The following PARP12 variants were observed in gnomAD, a reference collection of about 807,000 sequenced individuals.
The protein encoded by PARP12 is protein mono-ADP-ribosyltransferase PARP12.
A neutral mutation model predicts 72.4 loss-of-function variants in PARP12; 59 were observed. The ratio of observed to expected loss-of-function variants is 0.81; its 90% CI spans 0.66 to 1.01. The LOEUF (loss-of-function observed/expected upper bound fraction) is 1.01, where lower values mean the gene tolerates loss of function less well. Ranked by LOEUF, PARP12 falls within the 50% of genes least tolerant of loss-of-function variation. The pLI, the probability that PARP12 is intolerant of heterozygous loss-of-function variation, is 0.00. For synonymous variants in PARP12, 403 were observed against 371.4 expected (o/e 1.09, Z -0.98); for missense variants, 851 against 914.0 (o/e 0.93, Z 0.89).
At position 140,062,843 on chromosome 7, in the gene PARP12, G is replaced by T; in HGVS notation, c.5C>A (p.Ala2Asp). The change falls in exon 1 of 12, where the codon GCC becomes GAC. Residue 2 changes from alanine to aspartate, a missense_variant. This residue lies in a region of PARP12 where 492 missense variants were observed against 489.3 expected (regional missense o/e 1.01). Transcript: ENST00000263549. MAQAGVVGEVTQ... is the reference protein window; with the variant it reads MDQAGVVGEVTQ... The stretch of plus-strand genomic sequence containing the variant: ...GACCTCACCGACGACGCCGGCCTGG[G>T]CCATGGCCGCTGGGCCTGCTCCCGT... 2.2e-6 allele frequency: 3 copies of T among 1,366,816 alleles called. No homozygotes were observed. Among genetic ancestry groups the T allele is most frequent in the Non-Finnish European group, 2.8e-6 (3 of 1,058,492 alleles). 84.7% of individuals were successfully genotyped at this position (1,366,816 alleles called of 1,614,324 possible).
chr7:140,062,753 A>G lies in PARP12; in HGVS notation c.95T>C (p.Met32Thr). Residue 32 changes from methionine (M) to threonine (T), a missense_variant, in exon 1 of 12, where the codon ATG becomes ACG. Transcript: ENST00000263549. The stretch of plus-strand genomic sequence containing the variant: ...CTCCAGCGCGTCGGCGCTCAAGCCC[A>G]TCCGCAAGCGGCGCCGCAGCTCGGG... ...ELPELRRRLR[M>T]GLSADALERL... 7.2e-7 allele frequency: 1 copy of G among 1,385,950 alleles called. No individual in the cohort carries two copies. Among genetic ancestry groups the G allele is most frequent in the Admixed American group, 2.7e-5 (1 of 37,432 alleles). 85.9% of individuals were successfully genotyped at this position (1,385,950 alleles called of 1,614,324 possible). A position where few individuals can be genotyped will look rare whatever the true frequency, so the allele number is the denominator to read the frequency against.
At chr7:140,046,802 G>GTGTGTC (rs1816748354) in intron 5 of PARP12, 82 bp downstream of exon 5, 1 of 870,094 alleles carries the variant, frequency 1.1e-6, no homozygotes, top group South Asian at 2.2e-5. Context: ...TGCTCACAGT[G>GTGTGTC]TGTGTGTGTG....
At chr7:140,025,440 C>T (rs1467042252) in intron 11 of PARP12, 1 of 354,230 alleles carries the variant, frequency 2.8e-6, no homozygotes, top group Non-Finnish European at 5.7e-6. Flanking sequence ...CGGAAACTGA[C>T]TAACAAAGAA....
intron 6 of PARP12, among the ~76,000 whole-genome samples, chr7:140,040,819 A>G (rs193021339): frequency 1.8e-4 from 27 of 152,348 alleles, no homozygotes; most frequent in Admixed American, 6.5e-4. Flanking sequence ...GCTGGAGTAC[A>G]GTGGTGTGAT....
chr7:140,026,240 A>C lies in PARP12; in HGVS notation c.1737T>G (p.Phe579Leu), dbSNP rs759387800. The C allele has an allele frequency of 1.2e-5, 19 of 1,614,160 alleles. No homozygotes were observed. The South Asian group carries it at 1.3e-4, about 11-fold the overall frequency. Residue 579 changes from phenylalanine (F) to leucine (L), a missense_variant, in exon 11 of 12, where the codon TTT becomes TTG. Phe to Leu is a conservative substitution (Grantham distance 22). Around this residue, in one of 3 missense-constraint regions of PARP12, gnomAD observed 347 missense variants for 396.1 expected, o/e 0.88. Transcript: ENST00000263549. ...IFVDAICQQN[F>L]DWRVCGVHGT... ...CATGAACACCACAGACCCGCCAGTCAAAGTTCTGCTGGCAGATGGCGTCCA... is the reference window on the plus strand; with the variant it reads ...CATGAACACCACAGACCCGCCAGTCCAAGTTCTGCTGGCAGATGGCGTCCA...
At position 140,057,107 on chromosome 7, in the gene PARP12, G is replaced by C; in HGVS notation, c.509C>G (p.Ala170Gly). The change falls in exon 3 of 12, where the codon GCC becomes GGC. Residue 170 changes from alanine (A) to glycine (G), a missense_variant. Around this residue, in one of 3 missense-constraint regions of PARP12, gnomAD observed 492 missense variants for 489.3 expected, o/e 1.01. Transcript: ENST00000263549. ...GAGCTTGATGCACTGCTTTTGAAAG[G>C]CACAAGAGCCGTGGGGTCCATCTCC... ...NKGDGPHGSC[A>G]FQKQCIKLHI... 6.2e-7 allele frequency: 1 copy of C among 1,614,094 alleles called. No individual in the cohort carries two copies. The highest frequency in any genetic ancestry group is 2.2e-5 in the East Asian group (1 of 44,890).
chr7:140,045,561 T>C (rs957425083), intron 5 of PARP12, among the ~76,000 whole-genome samples: 1 of 152,304 alleles, frequency 6.6e-6, no homozygotes, highest in Admixed American at 6.5e-5. Flanking sequence ...TTTGACAGAA[T>C]GACAAAAGGC....
At position 140,024,870 on chromosome 7, in the gene PARP12, C is replaced by T. The variant is rs139584408; in HGVS notation, c.1796G>A (p.Arg599Gln). The T allele has an allele frequency of 7.4e-6, 12 of 1,612,912 alleles. No homozygotes were observed. Among genetic ancestry groups the T allele is most frequent in the South Asian group, 3.3e-5 (3 of 91,062 alleles). The change falls in exon 12 of 12, where the codon CGA becomes CAA. Residue 599 changes from arginine (R) to glutamine (Q), a missense_variant. By Grantham distance (43) the Arg-to-Gln change is conservative. Coordinates refer to ENST00000263549, the MANE Select transcript of PARP12 (RefSeq NM_022750.4). ...TSYGKGSYFA[R>Q]DAAYSHHYSK... is the part of the protein sequence containing the mutation. ...GTAGTGGTGGGAATATGCAGCATCT[C>T]GGGCAAAGTAGCTCCCTGAAATGAC...
At position 140,062,798 on chromosome 7, in the gene PARP12, G is replaced by C; in HGVS notation, c.50C>G (p.Ala17Gly). 1 of 1,414,320 alleles carries C rather than the reference G, an allele frequency of 7.1e-7. No individual in the cohort carries two copies. The highest frequency in any genetic ancestry group is 9.2e-7 in the Non-Finnish European group (1 of 1,081,764). 87.6% of individuals were successfully genotyped at this position (1,414,320 alleles called of 1,614,324 possible). The part of the protein sequence containing the change: ...VGEVTQVLCA[A>G]GGALELPELR... ...CTCGGGCAACTCCAGGGCGCCCCCG[G>C]CCGCGCACAGCACCTGGGTGACCTC... The change falls in exon 1 of 12, where the codon GCC (alanine) becomes GGC (glycine). Residue 17 changes from alanine to glycine, a missense_variant. Ala to Gly is a moderately conservative substitution (Grantham distance 60). Transcript: ENST00000263549.
At chr7:140,028,489 C>T in intron 9 of PARP12, 124 bp downstream of exon 9, 2 of 823,778 alleles carry the variant, frequency 2.4e-6, no homozygotes, top group Non-Finnish European at 3.6e-6. Context: ...TGTCACTGCC[C>T]TCCTGCCCCA....
intron 7 of PARP12, 25 bp downstream of exon 7, chr7:140,037,690 T>C (rs201468992): frequency 2.3e-4 from 365 of 1,610,268 alleles, no homozygotes; most frequent in Middle Eastern, 3.3e-4. Context: ...CAGGCTCTGC[T>C]GGGCGAGGGC....
In PARP12 at chr7:140,024,831, G is replaced by C; in HGVS notation, c.1835C>G (p.Thr612Arg). 6.2e-7 allele frequency: 1 copy of C among 1,614,090 alleles called. No homozygotes were observed. Among genetic ancestry groups the C allele is most frequent in the Non-Finnish European group, 8.5e-7 (1 of 1,179,980 alleles). ...AYSHHYSKSD[T>R]QTHTMFLARV... ...GGCCAGGAACATCGTGTGGGTCTGC[G>C]TGTCGGATTTGCTGTAGTGGTGGGA... The change falls in exon 12 of 12, where the codon ACG becomes AGG. Residue 612 changes from threonine (T) to arginine (R), a missense_variant. By Grantham distance (71) the Thr-to-Arg change is moderately conservative (BLOSUM62 -1). Coordinates refer to ENST00000263549, the MANE Select transcript of PARP12 (RefSeq NM_022750.4).
intron 10 of PARP12, 121 bp downstream of exon 10, chr7:140,027,155 C>A: frequency 1.5e-6 from 2 of 1,355,704 alleles, no homozygotes; most frequent in Admixed American, 2.0e-5. Flanking sequence ...ACACAGCTCC[C>A]AGCACATGGC....
At position 140,039,340 on chromosome 7, in the gene PARP12, T is replaced by C. The variant is rs572852334; in HGVS notation, c.1183-1484A>G. On this transcript the variant is annotated intron_variant, in intron 6 of 11. Transcript: ENST00000263549. ...AAGCAGCAGTCAGATGCAGGCGTCC[T>C]GCCCCGACCCAGGCCTCCAGTCAAA... 4.2e-4 allele frequency among the ~76,000 whole-genome samples: 64 copies of C among 152,348 alleles called. No individual in the cohort carries two copies. The Middle Eastern group carries it at 0.01, about 24-fold the overall frequency.
At chr7:140,049,491 G>A (rs948618886) in intron 4 of PARP12, among the ~76,000 whole-genome samples, 39 of 152,186 alleles carry the variant, frequency 2.6e-4, no homozygotes, top group African/African-American at 9.2e-4. Context: ...AGGGATGAGA[G>A]CAGAAGGCCA....
intron 7 of PARP12, among the ~76,000 whole-genome samples, chr7:140,035,294 C>T (rs1053807485): frequency 1.3e-5 from 2 of 152,150 alleles, no homozygotes; most frequent in Non-Finnish European, 1.5e-5. Context: ...ACTACTCAGC[C>T]GCCCATCAAG....
In PARP12 at chr7:140,024,356, T is replaced by C; in HGVS notation, c.*204A>G. On this transcript the variant is annotated 3_prime_UTR_variant, in exon 12 of 12. Coordinates refer to ENST00000263549, the MANE Select transcript of PARP12 (RefSeq NM_022750.4). ...AAAGCAAAACTGGACTCAACTACAATCACTTCTGGTTAATCCACTAGTGAA... is the reference window on the plus strand; with the variant it reads ...AAAGCAAAACTGGACTCAACTACAACCACTTCTGGTTAATCCACTAGTGAA... The C allele has an allele frequency of 1.6e-6, 1 of 621,914 alleles. No individual in the cohort carries two copies. The highest frequency in any genetic ancestry group is 2.8e-6 in the Non-Finnish European group (1 of 359,370). 38.5% of individuals were successfully genotyped at this position (621,914 alleles called of 1,614,324 possible).
At chr7:140,056,046 CA>C (rs772018683) in intron 3 of PARP12, among the ~76,000 whole-genome samples, 27 of 152,314 alleles carry the variant, frequency 1.8e-4, no homozygotes, top group East Asian at 5.8e-4. Flanking sequence ...GGCAAGCACA[CA>C]AAGGTGCTGA....
chr7:140,049,015 A>T (rs1816848194), intron 4 of PARP12, among the ~76,000 whole-genome samples: 3 of 152,136 alleles, frequency 2.0e-5, no homozygotes, highest in Non-Finnish European at 4.4e-5. Flanking sequence ...AGCTAATTTG[A>T]TACTTGAAAA....
Sources: gnomAD v4.1 joint callset for allele counts (sites outside exome capture counted in the v4.1 genomes callset) on GRCh38, gnomAD v4.1.1 for gene constraint, gnomAD v4.1.1 regional missense constraint, MANE v1.5 for transcripts, NCBI Gene and HGNC (gene_info 2026-07-23, HGNC 2026-07-21) for gene names.